The following MTA3 variants were observed in gnomAD, a reference collection of about 807,000 sequenced individuals.
MTA3 encodes metastasis associated 1 family member 3.
A neutral mutation model predicts 83.5 loss-of-function variants in MTA3; 34 were observed. The observed-to-expected ratio is 0.41, with a 90% confidence interval of 0.31 to 0.54. The LOEUF is 0.54. MTA3 is among the 20% of genes least tolerant of loss of function. The pLI, the probability that MTA3 is intolerant of heterozygous loss-of-function variation, is 0.33. For missense variants in MTA3, 761 were observed against 726.4 expected (o/e 1.05, Z -0.55); for synonymous variants, 303 against 252.7 (o/e 1.20, Z -1.89).
chr2:42,713,399 G>T (rs780594840), intron 14 of MTA3, among the ~76,000 whole-genome samples: 14 of 152,170 alleles, frequency 9.2e-5, no homozygotes, highest in Non-Finnish European at 1.0e-4. Context: ...AATCATGAGA[G>T]AATAGTTGGT....
chr2:42,643,671 A>G (rs1458446079), intron 5 of MTA3, among the ~76,000 whole-genome samples: 1 of 152,234 alleles, frequency 6.6e-6, no homozygotes, highest in Non-Finnish European at 1.5e-5. Flanking sequence ...TGAGATATGT[A>G]TACTTTTTAA....
chr2:42,591,621 TA>T (rs1681006386), intron 3 of MTA3, among the ~76,000 whole-genome samples: 1 of 139,222 alleles, frequency 7.2e-6, no homozygotes, highest in Non-Finnish European at 1.5e-5. Context: ...CCTTATTCTA[TA>T]AGCTTTTTTT....
chr2:42,646,725 G>C (rs1022853444), intron 6 of MTA3, among the ~76,000 whole-genome samples: 1 of 152,198 alleles, frequency 6.6e-6, no homozygotes, highest in Non-Finnish European at 1.5e-5. Flanking sequence ...AGCAAAGAAA[G>C]TGGTTTCTTG....
intron 16 of MTA3, among the ~76,000 whole-genome samples, chr2:42,748,243 T>G (rs553872197): frequency 2.5e-3 from 210 of 84,124 alleles, no homozygotes; most frequent in Non-Finnish European, 3.6e-3. Flanking sequence ...GTGTGTGTGT[T>G]TTAGTAGAGA....
intron 4 of MTA3, among the ~76,000 whole-genome samples, chr2:42,620,578 G>C (rs1685423890): frequency 6.6e-6 from 1 of 152,050 alleles, no homozygotes; most frequent in East Asian, 1.9e-4. Context: ...CTGCAGCCTT[G>C]ACCTTCTTAG....
intron 2 of MTA3, among the ~76,000 whole-genome samples, chr2:42,546,146 A>G (rs1395039761): frequency 1.3e-5 from 2 of 152,182 alleles, no homozygotes; most frequent in Non-Finnish European, 2.9e-5. Flanking sequence ...AGAAACCATT[A>G]ACTTCAGCTA....
In MTA3 at chr2:42,586,557, AACACACACACACACACACACACAC is replaced by A. The variant is rs68029790; in HGVS notation, c.190+7393_190+7416del. Among the ~76,000 whole-genome samples, 1,065 of 126,004 alleles carry A rather than the reference AACACACACACACACACACACACAC, an allele frequency of 8.5e-3. 41 individuals carry two copies. The highest frequency in any genetic ancestry group is 0.01 in the Non-Finnish European group (610 of 59,094). The allele number at this position is 126,004 out of a possible 152,430, so 82.7% of individuals were successfully genotyped here. ...AAAACACACACACACAAGGAAGGAAAACACACACACACACACACACACACACACACACACACACACACACACACA... is the reference window on the plus strand; with the variant it reads ...AAAACACACACACACAAGGAAGGAAAACACACACACACACACACACACACA... On this transcript the variant is annotated intron_variant, in intron 3 of 16. Coordinates refer to ENST00000405094, the MANE Select transcript of MTA3 (RefSeq NM_001330442.2).
chr2:42,753,041 C>G (rs950591206), intron 16 of MTA3, among the ~76,000 whole-genome samples: 1 of 152,118 alleles, frequency 6.6e-6, no homozygotes, highest in African/African-American at 2.4e-5. Context: ...CCTCCCCCCT[C>G]AGCCTCCTGA....
chr2:42,548,830 ATATATATATATATAT>A (rs1676895967), intron 2 of MTA3, among the ~76,000 whole-genome samples: 1 of 5,288 alleles, frequency 1.9e-4, no homozygotes, highest in African/African-American at 5.5e-4. Flanking sequence ...TATATATATA[ATATATATATATATAT>A]AATATATATA....
At chr2:42,656,158 C>G in intron 6 of MTA3, 42 bp from the exon 7 acceptor site, 1 of 1,408,770 alleles carries the variant, frequency 7.1e-7, no homozygotes, top group Non-Finnish European at 1.0e-6. Context: ...AGACAGTATG[C>G]CTTGTCAGTA....
chr2:42,568,649 ACGGCGGCGGCGGCAGCGG>A lies in MTA3; in HGVS notation c.-93_-76del, dbSNP rs1193541398. On this transcript the variant is annotated 5_prime_UTR_variant, in exon 1 of 17. Coordinates refer to ENST00000405094, the MANE Select transcript of MTA3 (RefSeq NM_001330442.2). ...TCCCCCCCGTGGCGAGGCAGCAGCGACGGCGGCGGCGGCAGCGGCGGTCGCGGCTGAGGCTGAGGAGGA... is the reference window on the plus strand; with the variant it reads ...TCCCCCCCGTGGCGAGGCAGCAGCGACGGTCGCGGCTGAGGCTGAGGAGGA... 7.8e-5 allele frequency: 49 copies of A among 630,826 alleles called. No individual in the cohort carries two copies. The highest frequency in any genetic ancestry group is 6.2e-5 in the Non-Finnish European group (31 of 497,414). 39.1% of individuals were successfully genotyped at this position (630,826 alleles called of 1,614,324 possible).
intron 3 of MTA3, among the ~76,000 whole-genome samples, chr2:42,602,796 T>TA (rs1378297332): frequency 2.0e-5 from 3 of 152,160 alleles, no homozygotes; most frequent in African/African-American, 7.2e-5. Flanking sequence ...CAAGTACAGA[T>TA]ACCTGGGCTA....
intron 16 of MTA3, among the ~76,000 whole-genome samples, chr2:42,729,100 T>G (rs938962394): frequency 4.9e-5 from 6 of 123,278 alleles, no homozygotes; most frequent in East Asian, 2.1e-4. Context: ...TTTTTTTTTT[T>G]TTTTTTTTTT....
chr2:42,539,790 C>G (rs1286009482), intron 2 of MTA3, among the ~76,000 whole-genome samples: 1 of 151,918 alleles, frequency 6.6e-6, no homozygotes, highest in Non-Finnish European at 1.5e-5. Context: ...CCAGGCTGGT[C>G]TTGAACTCCT....
intron 2 of MTA3, among the ~76,000 whole-genome samples, chr2:42,506,073 T>C (rs941922025): frequency 6.6e-6 from 1 of 151,894 alleles, no homozygotes; most frequent in Admixed American, 6.6e-5. Flanking sequence ...CCCCCTCAAA[T>C]TGATAATTAT....
intron 8 of MTA3, among the ~76,000 whole-genome samples, chr2:42,674,581 T>C (rs1389344418): frequency 6.7e-6 from 1 of 149,422 alleles, no homozygotes; most frequent in Non-Finnish European, 1.5e-5. Context: ...AGACTTTTAG[T>C]TTAGTTTTCT....
chr2:42,575,907 G>A (rs1377450334), intron 2 of MTA3, among the ~76,000 whole-genome samples: 2 of 152,166 alleles, frequency 1.3e-5, no homozygotes, highest in African/African-American at 4.8e-5. Flanking sequence ...TCAGCACAGA[G>A]TCATCCATGT....
intron 2 of MTA3, among the ~76,000 whole-genome samples, chr2:42,540,907 T>C (rs1676490189): frequency 6.6e-6 from 1 of 152,060 alleles, no homozygotes; most frequent in Admixed American, 6.6e-5. Context: ...AGCCATTCAG[T>C]AAACAATTCA....
intron 4 of MTA3, among the ~76,000 whole-genome samples, chr2:42,635,102 G>A (rs1687055539): frequency 6.6e-6 from 1 of 151,998 alleles, no homozygotes; most frequent in East Asian, 1.9e-4. Flanking sequence ...ATAGAATTTT[G>A]GTTTGGAAAT....
Sources: allele counts gnomAD v4.1 joint callset (sites outside exome capture counted in the v4.1 genomes callset), GRCh38; gene constraint gnomAD v4.1.1; transcripts MANE v1.5; gene names NCBI Gene and HGNC (gene_info 2026-07-23, HGNC 2026-07-21).